The following SYT1 variants were observed in gnomAD, a reference collection of about 807,000 sequenced individuals.
SYT1 encodes synaptotagmin-1.
In SYT1, 8 loss-of-function variants were observed where a neutral mutation model predicts 44.8. The ratio of observed to expected loss-of-function variants is 0.18; its 90% CI spans 0.10 to 0.32. The LOEUF is 0.32. Among genes scored for constraint, SYT1 ranks in the 10% least tolerant of loss-of-function variants. The pLI, the probability that SYT1 is intolerant of heterozygous loss-of-function variation, is 1.00. For synonymous variants in SYT1, 154 were observed against 188.8 expected (o/e 0.82, Z 1.51); for missense variants, 286 against 509.3 (o/e 0.56, Z 4.22).
intron 2 of SYT1, among the ~76,000 whole-genome samples, chr12:78,979,145 A>G (rs1005421070): frequency 2.6e-5 from 4 of 152,142 alleles, no homozygotes; most frequent in African/African-American, 9.7e-5. Flanking sequence ...CCCAGTATTG[A>G]TAGTACTTCA....
intron 9 of SYT1, among the ~76,000 whole-genome samples, chr12:79,377,491 C>T (rs1884046253): frequency 6.6e-6 from 1 of 152,098 alleles, no homozygotes; most frequent in Non-Finnish European, 1.5e-5. Context: ...TAGATAAAAG[C>T]TCTAGCAATT....
chr12:79,316,790 T>C (rs555134168), intron 8 of SYT1, among the ~76,000 whole-genome samples: 4 of 152,220 alleles, frequency 2.6e-5, no homozygotes, highest in South Asian at 2.1e-4. Context: ...TTTACCTGTT[T>C]CGTTGTCTCG....
chr12:79,157,678 C>G (rs868356684), intron 3 of SYT1, among the ~76,000 whole-genome samples: 7 of 152,128 alleles, frequency 4.6e-5, no homozygotes, highest in Admixed American at 3.9e-4. Flanking sequence ...AGGATATTGT[C>G]ACTGCCAGTG....
At chr12:79,330,236 A>C (rs1014110121) in intron 8 of SYT1, among the ~76,000 whole-genome samples, 19 of 152,202 alleles carry the variant, frequency 1.2e-4, no homozygotes, top group Admixed American at 4.6e-4. Flanking sequence ...TTTCCTGTGC[A>C]TTCAGGAAGA....
At chr12:79,194,083 G>C (rs1873293782) in intron 3 of SYT1, among the ~76,000 whole-genome samples, 1 of 152,102 alleles carries the variant, frequency 6.6e-6, no homozygotes, top group Non-Finnish European at 1.5e-5. Context: ...GTTTTATGCA[G>C]AGTGAGCCTC....
chr12:79,284,958 C>A (rs1300131251), intron 4 of SYT1, among the ~76,000 whole-genome samples: 1 of 151,998 alleles, frequency 6.6e-6, no homozygotes, highest in Admixed American at 6.5e-5. Context: ...AAATGGGTAC[C>A]ACTGTAATCT....
At chr12:79,141,913 C>T (rs1274870888) in intron 3 of SYT1, among the ~76,000 whole-genome samples, 2 of 152,200 alleles carry the variant, frequency 1.3e-5, no homozygotes, top group Non-Finnish European at 2.9e-5. Context: ...GGGTTTCTTT[C>T]TTCAGGGTGC....
At chr12:79,178,760 T>C (rs1165102311) in intron 3 of SYT1, among the ~76,000 whole-genome samples, 2 of 150,598 alleles carry the variant, frequency 1.3e-5, no homozygotes, top group East Asian at 1.9e-4. Context: ...AAAACAGTAA[T>C]TTGTTTATTT....
At chr12:79,068,378 A>G (rs576579170) in intron 3 of SYT1, among the ~76,000 whole-genome samples, 4 of 152,122 alleles carry the variant, frequency 2.6e-5, no homozygotes, top group South Asian at 2.1e-4. Context: ...AATACTTGAA[A>G]ACGGTATCAA....
At chr12:79,117,672 T>TATATATAC (rs1879356420) in intron 3 of SYT1, among the ~76,000 whole-genome samples, 1 of 52,058 alleles carries the variant, frequency 1.9e-5, no homozygotes, top group East Asian at 6.6e-4. Context: ...CATATATATA[T>TATATATAC]ATATATATAT....
At chr12:78,873,310 A>G (rs754475696) in intron 1 of SYT1, among the ~76,000 whole-genome samples, 1 of 151,792 alleles carries the variant, frequency 6.6e-6, no homozygotes, top group Non-Finnish European at 1.5e-5. Flanking sequence ...GCTTTTGCTT[A>G]TCTAACATCA....
In SYT1 at chr12:78,989,072, C is replaced by T. The variant is rs537242084; in HGVS notation, c.-84+11141C>T. On this transcript the variant is annotated intron_variant, in intron 2 of 10. Coordinates refer to ENST00000261205, the MANE Select transcript of SYT1 (RefSeq NM_005639.3). ...AGAAGGAATCATCAAAATAATTACC[C>T]TAGAGATTTCCTTGAACACTTTGGT... 4.7e-4 allele frequency among the ~76,000 whole-genome samples: 71 copies of T among 152,152 alleles called. 1 individual carries two copies. The highest frequency in any genetic ancestry group is 1.5e-3 in the Admixed American group (23 of 15,268).
chr12:79,252,293 T>C (rs964874461), intron 4 of SYT1, among the ~76,000 whole-genome samples: 3 of 152,300 alleles, frequency 2.0e-5, no homozygotes, highest in Admixed American at 1.3e-4. Context: ...ATGGCTAATT[T>C]ATTGTTGACA....
At chr12:79,017,394 G>A (rs1029400033) in intron 2 of SYT1, among the ~76,000 whole-genome samples, 1 of 152,058 alleles carries the variant, frequency 6.6e-6, no homozygotes, top group Non-Finnish European at 1.5e-5. Flanking sequence ...CAATGTAATG[G>A]TAGAGTCTCT....
intron 9 of SYT1, 124 bp from the exon 10 acceptor site, chr12:79,443,949 A>T: frequency 9.6e-7 from 1 of 1,046,308 alleles, no homozygotes; most frequent in East Asian, 2.8e-5. Context: ...TATTGAATTT[A>T]AAAAATATTA....
chr12:79,198,648 TA>T (rs1416255633), intron 3 of SYT1, among the ~76,000 whole-genome samples: 3 of 152,174 alleles, frequency 2.0e-5, no homozygotes, highest in Non-Finnish European at 4.4e-5. Flanking sequence ...ACATTACTTT[TA>T]TATGAGCTTT....
In SYT1 at chr12:79,064,905, C is replaced by T. The variant is rs568242919; in HGVS notation, c.-18+17543C>T. Reference sequence around the variant, plus strand: ...AGTTTCTCTTATTCCCTCAGCCCCACTCTTTAGACAAAAAAATAGAGAGAA... The same window carrying T: ...AGTTTCTCTTATTCCCTCAGCCCCATTCTTTAGACAAAAAAATAGAGAGAA... On this transcript the variant is annotated intron_variant, in intron 3 of 10. Transcript: ENST00000261205. 2.9e-5 allele frequency among the ~76,000 whole-genome samples: 4 copies of T among 139,662 alleles called. No individual in the cohort carries two copies. In the South Asian group the frequency reaches 6.7e-4, roughly 23 times the overall value. The allele number at this position is 139,662 out of a possible 152,430, so 91.6% of individuals were successfully genotyped here. A position where few individuals can be genotyped will look rare whatever the true frequency, so the allele number is the denominator to read the frequency against.
chr12:78,976,514 T>C (rs1420825195), intron 1 of SYT1: 1 of 152,218 alleles, frequency 6.6e-6, no homozygotes, highest in African/African-American at 2.4e-5. Context: ...GCGAAGAGAA[T>C]GGTTTAATAA....
chr12:79,287,012 T>G (rs1439839380), intron 5 of SYT1, among the ~76,000 whole-genome samples: 1 of 152,136 alleles, frequency 6.6e-6, no homozygotes, highest in Non-Finnish European at 1.5e-5. Context: ...TTAAGAACAA[T>G]TTAATCAGGT....
Sources: allele counts gnomAD v4.1 joint callset (sites outside exome capture counted in the v4.1 genomes callset), GRCh38; gene constraint gnomAD v4.1.1; transcripts MANE v1.5; gene names NCBI Gene and HGNC (gene_info 2026-07-23, HGNC 2026-07-21).